Variants in MEIS1 observed in about 807,000 individuals in gnomAD.
The protein encoded by MEIS1 is Meis homeobox 1, also known as homeobox protein Meis1.
Under a neutral mutation model 50.8 loss-of-function variants are expected in MEIS1, and 5 were observed. The ratio of observed to expected loss-of-function variants is 0.10; its 90% confidence interval spans 0.05 to 0.21. The LOEUF (loss-of-function observed/expected upper bound fraction) is 0.21, where lower values mean the gene tolerates loss of function less well. MEIS1 is among the 10% of genes least tolerant of loss of function. The pLI, the probability that MEIS1 is intolerant of heterozygous loss-of-function variation, is 1.00. For synonymous variants in MEIS1, 176 were observed against 179.3 expected (o/e 0.98, Z 0.15); for missense variants, 318 against 517.3 (o/e 0.61, Z 3.74).
chr2:66,523,156 T>A (rs565023275), intron 8 of MEIS1, among the ~76,000 whole-genome samples: 38 of 152,326 alleles, frequency 2.5e-4, no homozygotes, highest in Admixed American at 2.3e-3. Flanking sequence ...TGTCTGCAAA[T>A]GAGGCAGTAA....
chr2:66,489,031 C>G (rs942649399), intron 7 of MEIS1, among the ~76,000 whole-genome samples: 6 of 152,226 alleles, frequency 3.9e-5, no homozygotes, highest in African/African-American at 1.2e-4. Context: ...TACAGGCCAA[C>G]TAAATGGGAT....
At chr2:66,568,512 G>GGCGTA in intron 10 of MEIS1, 155 bp from the exon 11 acceptor site, 1 of 568,032 alleles carries the variant, frequency 1.8e-6, no homozygotes, top group Non-Finnish European at 3.2e-6. Context: ...TGTAGATCTA[G>GGCGTA]TCTGAGAGAA....
intron 7 of MEIS1, among the ~76,000 whole-genome samples, chr2:66,510,158 G>T (rs1426486094): frequency 2.0e-5 from 3 of 152,158 alleles, no homozygotes; most frequent in Non-Finnish European, 4.4e-5. Context: ...CTTTTCTCAT[G>T]TTTCTTTAAT....
rs1020089128 is a variant in MEIS1, at chr2:66,451,275, A to G, written c.630+8227A>G. Among the ~76,000 whole-genome samples the G allele has an allele frequency of 3.3e-5, 5 of 152,238 alleles. No individual in the cohort carries two copies. The South Asian group carries it at 1.0e-3, about 32-fold the overall frequency. ...CAACTGTATTCTTAACTGATTGTCC[A>G]TACTTGGTCCCAGACCTCCATAATT... On this transcript the variant is annotated intron_variant, in intron 6 of 12. Transcript: ENST00000272369.
chr2:66,482,045 A>G (rs1177417058), intron 7 of MEIS1, among the ~76,000 whole-genome samples: 1 of 151,606 alleles, frequency 6.6e-6, no homozygotes, highest in Non-Finnish European at 1.5e-5. Context: ...TGTTTTTAGT[A>G]GAGACGGGGT....
chr2:66,478,737 C>G (rs117567540), intron 7 of MEIS1, among the ~76,000 whole-genome samples: 1 of 152,118 alleles, frequency 6.6e-6, no homozygotes, highest in Non-Finnish European at 1.5e-5. Flanking sequence ...CACACATAAC[C>G]GTAGAATTGG....
In MEIS1 at chr2:66,461,771, T is replaced by A. The variant is rs1168735110; in HGVS notation, c.631-2338T>A. Reference sequence around the variant, plus strand: ...GCCCAGCATCTAAGGCCCAACACAATGAAAATGCAATGAATCGGAATGCCT... The same window carrying A: ...GCCCAGCATCTAAGGCCCAACACAAAGAAAATGCAATGAATCGGAATGCCT... On this transcript the variant is annotated intron_variant, in intron 6 of 12. Transcript: ENST00000272369. 5.1e-5 allele frequency: 22 copies of A among 434,098 alleles called. No individual in the cohort carries two copies. In the East Asian group the frequency reaches 1.6e-3, roughly 32 times the overall value. The allele number at this position is 434,098 out of a possible 1,614,324, so 26.9% of individuals were successfully genotyped here.
chr2:66,488,582 G>T (rs185987346), intron 7 of MEIS1, among the ~76,000 whole-genome samples: 1 of 152,182 alleles, frequency 6.6e-6, no homozygotes, highest in Non-Finnish European at 1.5e-5. Flanking sequence ...GGAGGCTGAG[G>T]CAGGAGAATG....
intron 7 of MEIS1, among the ~76,000 whole-genome samples, chr2:66,465,571 A>T (rs1672614187): frequency 6.6e-6 from 1 of 152,214 alleles, no homozygotes; most frequent in African/African-American, 2.4e-5. Context: ...GAGTTTTCAA[A>T]AAGGTGTAAA....
At chr2:66,466,467 G>A (rs1223918785) in intron 7 of MEIS1, among the ~76,000 whole-genome samples, 1 of 152,200 alleles carries the variant, frequency 6.6e-6, no homozygotes, top group Non-Finnish European at 1.5e-5. Context: ...GCCTGAAAGT[G>A]TTGCTGCAAC....
Position 66,435,792 on chromosome 2 carries a change from C to G in MEIS1, c.-65C>G. On this transcript the variant is annotated 5_prime_UTR_variant, in exon 1 of 13. Coordinates refer to ENST00000272369, the MANE Select transcript of MEIS1 (RefSeq NM_002398.3). ...TCCGGGGGAGTTTGAATATTTGTTTCTTTTCACACTGGCCTTAAAGAGGAT... is the reference window on the plus strand; with the variant it reads ...TCCGGGGGAGTTTGAATATTTGTTTGTTTTCACACTGGCCTTAAAGAGGAT... The G allele has an allele frequency of 5.4e-5, 15 of 277,830 alleles. No individual in the cohort carries two copies. Among genetic ancestry groups the G allele is most frequent in the African/African-American group, 8.6e-5 (1 of 11,626 alleles). 17.2% of individuals were successfully genotyped at this position (277,830 alleles called of 1,614,324 possible). A position where few individuals can be genotyped will look rare whatever the true frequency, so the allele number is the denominator to read the frequency against.
chr2:66,463,047 C>G (rs1007729925), intron 6 of MEIS1, among the ~76,000 whole-genome samples: 1 of 151,854 alleles, frequency 6.6e-6, no homozygotes, highest in Admixed American at 6.6e-5. Flanking sequence ...CTTATCTTCT[C>G]CAGGGTAGGA....
intron 6 of MEIS1, among the ~76,000 whole-genome samples, chr2:66,448,483 C>T (rs1390767175): frequency 2.0e-5 from 3 of 152,134 alleles, no homozygotes; most frequent in African/African-American, 4.8e-5. Context: ...CCTTCCCTAG[C>T]GTACCTCACA....
intron 7 of MEIS1, among the ~76,000 whole-genome samples, chr2:66,477,180 G>A (rs535940905): frequency 1.5e-4 from 23 of 152,210 alleles, no homozygotes; most frequent in Non-Finnish European, 2.9e-4. Flanking sequence ...TGGAGCAGGG[G>A]GAGGCTGGAG....
intron 7 of MEIS1, among the ~76,000 whole-genome samples, chr2:66,484,530 G>C (rs886461631): frequency 4.3e-4 from 65 of 152,100 alleles, no homozygotes; most frequent in African/African-American, 1.5e-3. Flanking sequence ...TTTTACAAAA[G>C]GAATTTTCTT....
chr2:66,441,373 A>C, intron 4 of MEIS1, 41 bp from the exon 5 acceptor site: 1 of 1,520,924 alleles, frequency 6.6e-7, no homozygotes, highest in Non-Finnish European at 8.8e-7. Context: ...AGTTTTCTGC[A>C]AGCCAGGAAT....
intron 8 of MEIS1, among the ~76,000 whole-genome samples, chr2:66,523,811 A>G (rs1209851375): frequency 6.6e-6 from 1 of 152,236 alleles, no homozygotes; most frequent in Admixed American, 6.5e-5. Flanking sequence ...TTGTGGAGCT[A>G]TTCTGATGTC....
intron 6 of MEIS1, among the ~76,000 whole-genome samples, chr2:66,455,882 G>T (rs1672376516): frequency 6.6e-6 from 1 of 152,096 alleles, no homozygotes; most frequent in Admixed American, 6.5e-5. Context: ...TATGCCTTAC[G>T]TATGTGATAG....
At chr2:66,483,048 T>TAAAC (rs1673055237) in intron 7 of MEIS1, among the ~76,000 whole-genome samples, 1 of 152,166 alleles carries the variant, frequency 6.6e-6, no homozygotes, top group Non-Finnish European at 1.5e-5. Flanking sequence ...CTGAGAACAT[T>TAAAC]AAACAAGTTA....
Sources: allele counts gnomAD v4.1 joint callset (sites outside exome capture counted in the v4.1 genomes callset), GRCh38; gene constraint gnomAD v4.1.1; transcripts MANE v1.5; gene names NCBI Gene and HGNC (gene_info 2026-07-23, HGNC 2026-07-21).